Variants in HS6ST3 observed in about 807,000 individuals in gnomAD.
The protein encoded by HS6ST3 is heparan sulfate 6-O-sulfotransferase 3, also known as heparan-sulfate 6-O-sulfotransferase 3.
A neutral mutation model predicts 36.7 loss-of-function variants in HS6ST3; 12 were observed. That is an observed-to-expected ratio of 0.33 (90% CI 0.21 to 0.53). HS6ST3 has a LOEUF of 0.53. HS6ST3 is among the 20% of genes least tolerant of loss of function. The probability of loss-of-function intolerance (pLI) is 0.95; values close to 1 mark genes in which losing one functional copy is unlikely to be tolerated. For missense variants in HS6ST3, 584 were observed against 640.9 expected, an observed-to-expected ratio of 0.91 and a Z score of 0.96; for synonymous variants, 240 against 257.5, an observed-to-expected ratio of 0.93 and a Z score of 0.65.
At chr13:96,559,075 T>A (rs2056251851) in intron 1 of HS6ST3, among the ~76,000 whole-genome samples, 1 of 8,334 alleles carries the variant, frequency 1.2e-4, no homozygotes, top group Non-Finnish European at 2.8e-4. Flanking sequence ...CTATATAATC[T>A]ATCTATCTAT....
intron 1 of HS6ST3, among the ~76,000 whole-genome samples, chr13:96,284,020 T>A (rs959591330): frequency 2.6e-5 from 4 of 152,202 alleles, no homozygotes; most frequent in Admixed American, 6.5e-5. Context: ...CGTACATTTT[T>A]GTTCCATTTG....
intron 1 of HS6ST3, among the ~76,000 whole-genome samples, chr13:96,141,896 C>T (rs779943736): frequency 2.0e-5 from 3 of 152,100 alleles, no homozygotes; most frequent in Non-Finnish European, 4.4e-5. Context: ...AATGCCATCA[C>T]TGTTATAAAG....
intron 1 of HS6ST3, among the ~76,000 whole-genome samples, chr13:96,405,516 A>G (rs1240547251): frequency 6.6e-6 from 1 of 152,222 alleles, no homozygotes; most frequent in Non-Finnish European, 1.5e-5. Context: ...CACAAGGAAT[A>G]TCAGTGAATG....
rs1878868908 is a variant in HS6ST3, at chr13:96,834,090, T to C, written c.*892T>C. On this transcript the variant is annotated 3_prime_UTR_variant, in exon 2 of 2. Transcript: ENST00000376705. ...CATTTCTAAACTGGCCACATAACCT[T>C]AGATTTTTAAAGGAATATTTCAGAG... 1 of 152,212 alleles carries C rather than the reference T, an allele frequency of 6.6e-6. No homozygotes were observed. The highest frequency in any genetic ancestry group is 2.1e-4 in the South Asian group (1 of 4,832). 9.4% of individuals were successfully genotyped at this position (152,212 alleles called of 1,614,324 possible).
intron 1 of HS6ST3, among the ~76,000 whole-genome samples, chr13:96,795,751 G>C (rs897576843): frequency 3.3e-5 from 5 of 152,126 alleles, no homozygotes; most frequent in African/African-American, 9.6e-5. Flanking sequence ...TATGTTGGGA[G>C]ACCAGTTTCC....
At chr13:96,824,124 A>G (rs1000824101) in intron 1 of HS6ST3, among the ~76,000 whole-genome samples, 1 of 152,238 alleles carries the variant, frequency 6.6e-6, no homozygotes. Flanking sequence ...GGGCACTTCT[A>G]TCCCCTCATC....
chr13:96,749,032 A>G (rs1164107474), intron 1 of HS6ST3, among the ~76,000 whole-genome samples: 1 of 152,044 alleles, frequency 6.6e-6, no homozygotes, highest in Non-Finnish European at 1.5e-5. Flanking sequence ...CCGTCCTTCC[A>G]TTTTTTCTCT....
chr13:96,093,865 A>G (rs1470838197), intron 1 of HS6ST3, among the ~76,000 whole-genome samples: 1 of 152,190 alleles, frequency 6.6e-6, no homozygotes, highest in Non-Finnish European at 1.5e-5. Flanking sequence ...TAGCCTGGAT[A>G]ATGGAGGGTA....
chr13:96,814,214 C>CT, intron 1 of HS6ST3, among the ~76,000 whole-genome samples: 1 of 152,004 alleles, frequency 6.6e-6, no homozygotes, highest in African/African-American at 2.4e-5. Flanking sequence ...AAATACAGTC[C>CT]TTTTTTCCAC....
At chr13:96,361,868 A>G (rs11617420) in intron 1 of HS6ST3, among the ~76,000 whole-genome samples, 2,214 of 152,228 alleles carry the variant, frequency 0.015, 26 homozygotes, top group East Asian at 0.056. Flanking sequence ...AAACATTACA[A>G]TCTTATTTTT....
At chr13:96,694,195 A>G (rs2138447402) in intron 1 of HS6ST3, among the ~76,000 whole-genome samples, 1 of 152,030 alleles carries the variant, frequency 6.6e-6, no homozygotes, top group South Asian at 2.1e-4. Flanking sequence ...GAAAGGCCCC[A>G]GTGTGTGTTG....
chr13:96,497,727 C>T (rs2055984595), intron 1 of HS6ST3, among the ~76,000 whole-genome samples: 3 of 152,176 alleles, frequency 2.0e-5, no homozygotes, highest in Admixed American at 2.0e-4. Context: ...AGTGAGGCTT[C>T]AGAACTGGTT....
At chr13:96,574,542 G>A (rs1365191097) in intron 1 of HS6ST3, 2 of 307,512 alleles carry the variant, frequency 6.5e-6, no homozygotes, top group African/African-American at 4.5e-5. Flanking sequence ...TCCCCTGTGG[G>A]CACCAATGGC....
intron 1 of HS6ST3, among the ~76,000 whole-genome samples, chr13:96,238,445 C>G (rs1247751126): frequency 1.3e-5 from 2 of 152,168 alleles, no homozygotes; most frequent in Non-Finnish European, 2.9e-5. Context: ...TGATGGCCGA[C>G]AAGGCTCTTT....
chr13:96,830,342 C>A (rs1160493330), intron 1 of HS6ST3, among the ~76,000 whole-genome samples: 1 of 152,142 alleles, frequency 6.6e-6, no homozygotes, highest in African/African-American at 2.4e-5. Context: ...TCTTTAAGTA[C>A]AAATGCATGC....
intron 1 of HS6ST3, among the ~76,000 whole-genome samples, chr13:96,484,981 A>G (rs1445444761): frequency 2.0e-5 from 3 of 152,110 alleles, no homozygotes; most frequent in Non-Finnish European, 4.4e-5. Context: ...CCTTTTCTCC[A>G]TGTCCTCACC....
chr13:96,372,540 C>T (rs1185433393), intron 1 of HS6ST3, among the ~76,000 whole-genome samples: 1 of 151,760 alleles, frequency 6.6e-6, no homozygotes, highest in Non-Finnish European at 1.5e-5. Context: ...GGTGTCATAT[C>T]CAAAAAAATG....
At chr13:96,413,865 G>A (rs1168436728) in intron 1 of HS6ST3, among the ~76,000 whole-genome samples, 2 of 152,152 alleles carry the variant, frequency 1.3e-5, no homozygotes, top group Admixed American at 1.3e-4. Flanking sequence ...CTCAAAATCC[G>A]TGGTGGAATT....
At chr13:96,794,021 TATTG>T (rs1877853579) in intron 1 of HS6ST3, among the ~76,000 whole-genome samples, 1 of 152,096 alleles carries the variant, frequency 6.6e-6, no homozygotes, top group East Asian at 1.9e-4. Context: ...AGTATGTTCT[TATTG>T]ATTGACTACT....
Sources: allele counts gnomAD v4.1 joint callset (sites outside exome capture counted in the v4.1 genomes callset), GRCh38; gene constraint gnomAD v4.1.1; transcripts MANE v1.5; gene names NCBI Gene and HGNC (gene_info 2026-07-23, HGNC 2026-07-21).